Variants in PPM1D observed in about 807,000 individuals in gnomAD.
The protein encoded by PPM1D is protein phosphatase, Mg2+/Mn2+ dependent 1D.
Under a neutral mutation model 58.3 loss-of-function variants are expected in PPM1D, and 52 were observed. The ratio of observed to expected loss-of-function variants is 0.89; its 90% CI spans 0.71 to 1.12. The LOEUF is 1.12. Ranked by LOEUF, PPM1D falls within the 50% of genes most tolerant of loss-of-function variation. The probability of loss-of-function intolerance (pLI) is 0.00; values close to 1 mark genes in which losing one functional copy is unlikely to be tolerated. For missense variants in PPM1D, 564 were observed against 777.2 expected (o/e 0.73, Z 3.26); for synonymous variants, 278 against 285.1 (o/e 0.98, Z 0.25).
chr17:60,603,028 T>TA lies in PPM1D; in HGVS notation c.472+2143dup, dbSNP rs752657308. Among the ~76,000 whole-genome samples the TA allele has an allele frequency of 1.5e-3, 227 of 152,268 alleles. 2 individuals carry two copies. The highest frequency in any genetic ancestry group is 2.4e-3 in the Non-Finnish European group (162 of 68,024). On this transcript the variant is annotated intron_variant, in intron 1 of 5. Coordinates refer to ENST00000305921, the MANE Select transcript of PPM1D (RefSeq NM_003620.4). Reference sequence around the variant, plus strand: ...CACCTTTTTTCAGGACACATGGAAATACTCCATTTCCATTTTCTTGGATTC... The same window carrying TA: ...CACCTTTTTTCAGGACACATGGAAATAACTCCATTTCCATTTTCTTGGATTC...
At chr17:60,662,888 GT>G (rs2031548934) in intron 5 of PPM1D, 106 bp from the exon 6 acceptor site, 2 of 1,077,218 alleles carry the variant, frequency 1.9e-6, no homozygotes, top group African/African-American at 1.6e-5. Context: ...TGCATACCCC[GT>G]TTTTGCCATC....
chr17:60,600,799 G>C lies in PPM1D; in HGVS notation c.385G>C (p.Gly129Arg). The C allele has an allele frequency of 6.2e-7, 1 of 1,613,028 alleles. No homozygotes were observed. The highest frequency in any genetic ancestry group is 8.5e-7 in the Non-Finnish European group (1 of 1,180,008). ...GTGGGGTTTCATCAAGAAGCAGAAG[G>C]GTTTCACCTCGTCCGAGCCGGCTAA... ...HLWGFIKKQK[G>R]FTSSEPAKVC... The change falls in exon 1 of 6, where the codon GGT (glycine) becomes CGT (arginine). Residue 129 changes from glycine to arginine, a missense_variant. This residue lies in a region of PPM1D where 23 missense variants were observed against 28.9 expected (regional missense o/e 0.80). Transcript: ENST00000305921.
chr17:60,620,435 C>A (rs2143648891), intron 1 of PPM1D, among the ~76,000 whole-genome samples: 1 of 152,288 alleles, frequency 6.6e-6, no homozygotes, highest in South Asian at 2.1e-4. Flanking sequence ...GTTGCCTTTT[C>A]ATTTTGTTGA....
chr17:60,618,758 TGAA>T (rs1157482192), intron 1 of PPM1D, among the ~76,000 whole-genome samples: 3 of 152,350 alleles, frequency 2.0e-5, no homozygotes, highest in Admixed American at 2.0e-4. Flanking sequence ...TGGTATCTTC[TGAA>T]GAATAGATTT....
At chr17:60,613,062 C>T (rs1177115285) in intron 1 of PPM1D, among the ~76,000 whole-genome samples, 1 of 152,136 alleles carries the variant, frequency 6.6e-6, no homozygotes, top group Non-Finnish European at 1.5e-5. Context: ...TAAGAGCTTT[C>T]AGGAGAAGCT....
Position 60,647,983 on chromosome 17 carries a change from C to T in PPM1D, c.918C>T (p.His306=). The T allele has an allele frequency of 6.2e-7, 1 of 1,613,914 alleles. No homozygotes were observed. Among genetic ancestry groups the T allele is most frequent in the Non-Finnish European group, 8.5e-7 (1 of 1,179,880 alleles). The change falls in exon 4 of 6, where the codon CAC becomes CAT. Residue 306 remains histidine, a synonymous_variant. Transcript: ENST00000305921. ...TCCACACTCTTGACCCTCAGAAGCA[C>T]AAGTATATTATATTGGGGAGTGATG... ...TSVHTLDPQK[H]KYIILGSDGL...
intron 4 of PPM1D, among the ~76,000 whole-genome samples, chr17:60,651,511 C>T (rs2031341998): frequency 6.6e-6 from 1 of 151,746 alleles, no homozygotes; most frequent in South Asian, 2.1e-4. Context: ...GATTCCCCTG[C>T]CTCAGCCTCC....
intron 1 of PPM1D, 99 bp downstream of exon 1, chr17:60,600,985 C>T (rs2030197003): frequency 1.5e-5 from 23 of 1,523,008 alleles, no homozygotes; most frequent in Non-Finnish European, 2.0e-5. Flanking sequence ...CAGAGCGCAA[C>T]CAAAGTATAC....
chr17:60,639,399 A>G (rs925836114), intron 3 of PPM1D, among the ~76,000 whole-genome samples: 1 of 151,688 alleles, frequency 6.6e-6, no homozygotes, highest in African/African-American at 2.4e-5. Flanking sequence ...GATGAGAGCC[A>G]CAGCGCCTGG....
intron 4 of PPM1D, among the ~76,000 whole-genome samples, chr17:60,649,134 G>C (rs1165895591): frequency 6.6e-6 from 1 of 151,324 alleles, no homozygotes; most frequent in Non-Finnish European, 1.5e-5. Context: ...TGTTGCCCAG[G>C]CTGGTTTAGA....
intron 3 of PPM1D, among the ~76,000 whole-genome samples, chr17:60,640,455 T>C (rs1156644928): frequency 6.6e-6 from 1 of 152,240 alleles, no homozygotes; most frequent in Non-Finnish European, 1.5e-5. Flanking sequence ...AGCATGTGGT[T>C]CATTGATGTT....
At chr17:60,613,731 G>A (rs761881867) in intron 1 of PPM1D, among the ~76,000 whole-genome samples, 5 of 152,342 alleles carry the variant, frequency 3.3e-5, no homozygotes, top group South Asian at 2.1e-4. Context: ...GCTGCTGGCC[G>A]CAGGCAGTGA....
chr17:60,613,884 C>T (rs538179047), intron 1 of PPM1D, among the ~76,000 whole-genome samples: 1 of 149,720 alleles, frequency 6.7e-6, no homozygotes, highest in East Asian at 2.0e-4. Context: ...GCCTGCCATA[C>T]CTGAGGCCCC....
At chr17:60,603,399 C>T (rs992423609) in intron 1 of PPM1D, among the ~76,000 whole-genome samples, 1 of 151,614 alleles carries the variant, frequency 6.6e-6, no homozygotes, top group South Asian at 2.1e-4. Context: ...CACTTTTTTC[C>T]CCAAATAAGA....
chr17:60,603,674 G>A (rs1422587981), intron 1 of PPM1D, among the ~76,000 whole-genome samples: 2 of 152,146 alleles, frequency 1.3e-5, no homozygotes, highest in Non-Finnish European at 2.9e-5. Context: ...TAGGCAGAGA[G>A]AATTGCTTGA....
At chr17:60,652,934 C>T (rs1395938245) in intron 4 of PPM1D, among the ~76,000 whole-genome samples, 1 of 152,110 alleles carries the variant, frequency 6.6e-6, no homozygotes, top group Non-Finnish European at 1.5e-5. Context: ...GGATAGTTTG[C>T]AGATGTTTTA....
At chr17:60,609,555 T>TAA (rs2030410941) in intron 1 of PPM1D, among the ~76,000 whole-genome samples, 1 of 152,246 alleles carries the variant, frequency 6.6e-6, no homozygotes, top group Non-Finnish European at 1.5e-5. Context: ...ACTTGTGTGC[T>TAA]GTTGGGAGTA....
At chr17:60,645,183 G>A (rs759231119) in intron 3 of PPM1D, among the ~76,000 whole-genome samples, 3 of 151,908 alleles carry the variant, frequency 2.0e-5, no homozygotes, top group Non-Finnish European at 4.4e-5. Context: ...ATGAAACCTC[G>A]TCTCTACTAA....
chr17:60,626,984 T>C (rs968016270), intron 2 of PPM1D, among the ~76,000 whole-genome samples: 4 of 152,264 alleles, frequency 2.6e-5, no homozygotes, highest in Non-Finnish European at 4.4e-5. Context: ...GCCATTTTTT[T>C]CCCACATTAA....
Sources: gnomAD v4.1 joint callset for allele counts (sites outside exome capture counted in the v4.1 genomes callset) on GRCh38, gnomAD v4.1.1 for gene constraint, gnomAD v4.1.1 regional missense constraint, MANE v1.5 for transcripts, NCBI Gene and HGNC (gene_info 2026-07-23, HGNC 2026-07-21) for gene names.